Variants in ATE1 observed in about 807,000 individuals in gnomAD.
ATE1 encodes the protein arginyltransferase 1, also known as arginyl-tRNA--protein transferase 1.
A neutral mutation model predicts 70.5 loss-of-function variants in ATE1; 36 were observed. The ratio of observed to expected loss-of-function variants is 0.51; its 90% CI spans 0.39 to 0.67. ATE1 has a LOEUF of 0.67. ATE1 is among the 30% of genes least tolerant of loss of function. The pLI is 0.00. For synonymous variants in ATE1, 232 were observed against 219.3 expected, an observed-to-expected ratio of 1.06 and a Z score of -0.51; for missense variants, 593 against 629.5, an observed-to-expected ratio of 0.94 and a Z score of 0.62.
intron 4 of ATE1, among the ~76,000 whole-genome samples, chr10:121,912,026 G>A (rs1020145594): frequency 3.3e-5 from 5 of 152,002 alleles, no homozygotes; most frequent in Non-Finnish European, 7.4e-5. Context: ...GATTACAGGC[G>A]TGAACCACCA....
chr10:121,818,923 T>C (rs1030106964), intron 10 of ATE1, among the ~76,000 whole-genome samples: 5 of 152,246 alleles, frequency 3.3e-5, no homozygotes, highest in Non-Finnish European at 1.5e-5. Context: ...TGGAATTGTA[T>C]TTTAAAGTGA....
Position 121,800,245 on chromosome 10 carries a change from T to A in ATE1, c.1258-9956A>T, listed in dbSNP as rs1006555059. Among the ~76,000 whole-genome samples, 3 of 152,204 alleles carry A rather than the reference T, an allele frequency of 2.0e-5. No homozygotes were observed. In the South Asian group the frequency reaches 6.2e-4, roughly 31 times the overall value. ...AGAGTTAAAGCATTTGAGACTTTGT[T>A]ATTTTTCTCAGACAAAAAAAATCAG... On this transcript the variant is annotated intron_variant, in intron 10 of 11. Transcript: ENST00000224652.
intron 11 of ATE1, among the ~76,000 whole-genome samples, chr10:121,779,523 CAGGA>C (rs1409474070): frequency 6.6e-6 from 1 of 152,242 alleles, no homozygotes; most frequent in Non-Finnish European, 1.5e-5. Context: ...TCTCCTAAGA[CAGGA>C]AGGGTCTTTC....
At chr10:121,924,110 A>G (rs1463092103) in intron 2 of ATE1, among the ~76,000 whole-genome samples, 156 bp downstream of exon 2, 2 of 152,232 alleles carry the variant, frequency 1.3e-5, no homozygotes, top group African/African-American at 2.4e-5. Flanking sequence ...TTCCTAACAA[A>G]GTTTTTTAAA....
intron 11 of ATE1, among the ~76,000 whole-genome samples, chr10:121,783,487 C>A (rs1273579739): frequency 2.0e-5 from 3 of 151,978 alleles, no homozygotes; most frequent in Non-Finnish European, 4.4e-5. Flanking sequence ...GCTCAAAAAC[C>A]CACATGCATC....
In ATE1 at chr10:121,875,067, A is replaced by G. The variant is rs565609031; in HGVS notation, c.943-5029T>C. On this transcript the variant is annotated intron_variant, in intron 7 of 11. Transcript: ENST00000224652. ...GGCAGGAGAATGGCGTGAACCCAGG[A>G]GACGGAGCTTGCAGTGAGTCGAGAC... Among the ~76,000 whole-genome samples, 16 of 145,024 alleles carry G rather than the reference A, an allele frequency of 1.1e-4. No homozygotes were observed. The South Asian group carries it at 3.6e-3, about 33-fold the overall frequency.
intron 10 of ATE1, among the ~76,000 whole-genome samples, chr10:121,828,091 T>C (rs1028373343): frequency 1.4e-4 from 22 of 152,366 alleles, no homozygotes; most frequent in African/African-American, 4.8e-4. Flanking sequence ...GGATATTAAA[T>C]GAAATGTCTT....
At chr10:121,830,110 G>A (rs956444413) in intron 10 of ATE1, among the ~76,000 whole-genome samples, 5 of 152,202 alleles carry the variant, frequency 3.3e-5, no homozygotes, top group African/African-American at 1.2e-4. Flanking sequence ...TTAATAAGCA[G>A]ATGTGCTATT....
In ATE1 at chr10:121,893,998, G is replaced by A. The variant is rs561035976; in HGVS notation, c.942+5868C>T. ...ACTAAAAATACAAAATTAGCCGGGC[G>A]TGGTGGCACACGCCTGTAATCCCAG... On this transcript the variant is annotated intron_variant, in intron 7 of 11. Transcript: ENST00000224652. 5.1e-4 allele frequency among the ~76,000 whole-genome samples: 77 copies of A among 152,160 alleles called. 2 individuals are homozygous for A. In the South Asian group the frequency reaches 0.015, roughly 29 times the overall value.
intron 11 of ATE1, among the ~76,000 whole-genome samples, chr10:121,758,396 C>A (rs1944895388): frequency 6.6e-6 from 1 of 152,162 alleles, no homozygotes; most frequent in Admixed American, 6.5e-5. Flanking sequence ...TTGGGTTGAT[C>A]TTTGATTCTT....
rs545013453 is a variant in ATE1 at position 121,910,930 on chromosome 10, T to C, written c.559A>G (p.Lys187Glu). ...CCTGGCTTAGGAACTGTGTGAACTT[T>C]AACTGAATGTGACGGTTCACCAGAG... ...LGSGEPSHSV[K>E]VHTVPKPGKG... Residue 187 changes from lysine to glutamate, a missense_variant, in exon 5 of 12, where the codon AAA becomes GAA. Physicochemically the swap from Lys to Glu is moderately conservative, Grantham distance 56. Transcript: ENST00000224652. 6.1e-5 allele frequency: 99 copies of C among 1,613,618 alleles called. 5 individuals are homozygous for C. The South Asian group carries it at 1.0e-3, about 17-fold the overall frequency.
At chr10:121,927,090 T>C (rs568827190) in intron 1 of ATE1, 7 of 985,408 alleles carry the variant, frequency 7.1e-6, no homozygotes, top group East Asian at 1.1e-4. Context: ...ACATTCTATA[T>C]TGGCAAATGC....
chr10:121,767,116 T>G (rs1045025682), intron 11 of ATE1, among the ~76,000 whole-genome samples: 1 of 152,128 alleles, frequency 6.6e-6, no homozygotes, highest in Non-Finnish European at 1.5e-5. Context: ...TCAAGGCTGG[T>G]TCAGTATTAA....
intron 11 of ATE1, among the ~76,000 whole-genome samples, chr10:121,770,734 T>TAAAAA (rs57921362): frequency 7.1e-6 from 1 of 140,798 alleles, no homozygotes. Context: ...TTTCCTTAAC[T>TAAAAA]AAAAAAAAAA....
intron 8 of ATE1, among the ~76,000 whole-genome samples, chr10:121,847,508 T>G (rs184609497): frequency 6.8e-4 from 102 of 149,862 alleles, no homozygotes; most frequent in African/African-American, 2.4e-3. Flanking sequence ...TGCCTGTAAT[T>G]GCAGCACTTT....
chr10:121,827,313 A>AT (rs969533703), intron 10 of ATE1, among the ~76,000 whole-genome samples: 1 of 151,942 alleles, frequency 6.6e-6, no homozygotes, highest in Non-Finnish European at 1.5e-5. Flanking sequence ...TGCCCAGCAA[A>AT]TTTTTTTTAA....
chr10:121,922,671 C>T (rs1001008876), intron 2 of ATE1, among the ~76,000 whole-genome samples: 4 of 152,154 alleles, frequency 2.6e-5, no homozygotes, highest in Non-Finnish European at 5.9e-5. Context: ...GCATCTGCCA[C>T]CCCTGCTCTG....
chr10:121,745,520 T>C (rs1288944820), intron 11 of ATE1, among the ~76,000 whole-genome samples: 1 of 151,976 alleles, frequency 6.6e-6, no homozygotes, highest in Non-Finnish European at 1.5e-5. Flanking sequence ...ATCGACACCA[T>C]TCTGGCTAAC....
At position 121,927,504 on chromosome 10, in the gene ATE1, G is replaced by A. The variant is rs564762728; in HGVS notation, c.106+340C>T. ...GGACGCTCCCACCGCAGCACCCACC[G>A]GTCAGCCCCGGCCATTAACTACGGC... On this transcript the variant is annotated intron_variant, in intron 1 of 11. Coordinates refer to ENST00000224652, the MANE Select transcript of ATE1 (RefSeq NM_001001976.3). 75 of 985,316 alleles carry A rather than the reference G, an allele frequency of 7.6e-5. No individual in the cohort carries two copies. The African/African-American group carries it at 1.1e-3, about 14-fold the overall frequency. The allele number at this position is 985,316 out of a possible 1,614,324, so 61.0% of individuals were successfully genotyped here.
Sources: gnomAD v4.1 joint callset for allele counts (sites outside exome capture counted in the v4.1 genomes callset) on GRCh38, gnomAD v4.1.1 for gene constraint, MANE v1.5 for transcripts, NCBI Gene and HGNC (gene_info 2026-07-23, HGNC 2026-07-21) for gene names.